Variants in CHN2 observed in about 807,000 individuals in gnomAD.
CHN2 encodes the protein beta-chimaerin.
CHN2 carries 35 observed loss-of-function variants against 56.3 expected under a neutral mutation model. The observed-to-expected ratio is 0.62, with a 90% CI of 0.47 to 0.82. The LOEUF is 0.82. CHN2 is among the 40% of genes least tolerant of loss of function. The pLI is 0.00. For synonymous variants in CHN2, 210 were observed against 212.8 expected (o/e 0.99, Z 0.12); for missense variants, 491 against 580.5 (o/e 0.85, Z 1.58).
chr7:29,485,089 CA>C (rs3214364), intron 7 of CHN2, among the ~76,000 whole-genome samples: 64,164 of 151,944 alleles, frequency 0.42, 15,291 homozygotes, highest in African/African-American at 0.66. Context: ...AAAGAGGCAC[CA>C]AAAAAACTTT....
At chr7:29,499,241 G>T (rs919571054) in intron 8 of CHN2, among the ~76,000 whole-genome samples, 1 of 152,056 alleles carries the variant, frequency 6.6e-6, no homozygotes, top group Non-Finnish European at 1.5e-5. Flanking sequence ...ACTCCTACTG[G>T]TGTATATAGT....
intron 1 of CHN2, chr7:29,212,776 G>C (rs909460577): frequency 3.2e-5 from 51 of 1,609,976 alleles, no homozygotes; most frequent in Non-Finnish European, 4.3e-5. Context: ...ACAACTGGCC[G>C]AAGAATAGCA....
intron 1 of CHN2, among the ~76,000 whole-genome samples, chr7:29,202,522 A>T (rs1194161311): frequency 6.6e-6 from 1 of 152,162 alleles, no homozygotes; most frequent in East Asian, 1.9e-4. Context: ...CTGTCAAGAA[A>T]GAGGTGAATG....
At chr7:29,376,213 A>G (rs1391206012) in intron 3 of CHN2, 2 of 152,240 alleles carry the variant, frequency 1.3e-5, no homozygotes, top group Non-Finnish European at 2.9e-5. Flanking sequence ...CAGTCTTTTA[A>G]TAGAAATGAC....
At chr7:29,190,540 C>T (rs1020095438), upstream of CHN2, among the ~76,000 whole-genome samples, 1 of 152,126 alleles carries the variant, frequency 6.6e-6, no homozygotes, top group Non-Finnish European at 1.5e-5. Flanking sequence ...ATTACACCAC[C>T]ATAAGAGCTA....
intron 3 of CHN2, among the ~76,000 whole-genome samples, chr7:29,375,834 A>G (rs1562558501): frequency 6.6e-6 from 1 of 152,188 alleles, no homozygotes; most frequent in Non-Finnish European, 1.5e-5. Context: ...GCCCCATATT[A>G]AGTCTGCTCT....
rs75654199 is a variant in CHN2 at position 29,265,155 on chromosome 7, A to G, written c.49+70165A>G. The stretch of plus-strand genomic sequence containing the variant: ...TCTGTGGTGTCTCTGGCTATTTCCC[A>G]GCACAGTCCACAACGCTGCCCCTAT... On this transcript the variant is annotated intron_variant, in intron 1 of 12. Coordinates refer to ENST00000222792, the MANE Select transcript of CHN2 (RefSeq NM_004067.4). Among the ~76,000 whole-genome samples the G allele has an allele frequency of 9.6e-3, 1,456 of 152,244 alleles. 22 individuals are homozygous for G. Among genetic ancestry groups the G allele is most frequent in the Middle Eastern group, 0.034 (10 of 294 alleles).
intron 3 of CHN2, among the ~76,000 whole-genome samples, chr7:29,388,276 C>A (rs894443267): frequency 1.2e-4 from 19 of 152,174 alleles, no homozygotes; most frequent in Middle Eastern, 3.4e-3. Context: ...CTCCACAGAA[C>A]AGTTAGGAAA....
chr7:29,246,221 G>A (rs189683293), intron 1 of CHN2, among the ~76,000 whole-genome samples: 4 of 152,256 alleles, frequency 2.6e-5, no homozygotes, highest in African/African-American at 7.2e-5. Context: ...ATGCTGCCTG[G>A]AGAGAATTAC....
chr7:29,180,481 C>T (rs1584599812), intron 2 of CHN2, among the ~76,000 whole-genome samples: 3 of 151,702 alleles, frequency 2.0e-5, no homozygotes, highest in Admixed American at 6.6e-5. Flanking sequence ...GAGCCGAGAT[C>T]GCGCCACTGC....
chr7:29,331,504 C>T (rs1201149273), intron 1 of CHN2, among the ~76,000 whole-genome samples: 7 of 152,086 alleles, frequency 4.6e-5, no homozygotes, highest in Admixed American at 1.3e-4. Flanking sequence ...GCATTTCTCC[C>T]GCCACCCCCT....
chr7:29,428,539 C>A (rs916707155), intron 6 of CHN2, among the ~76,000 whole-genome samples: 4 of 152,156 alleles, frequency 2.6e-5, no homozygotes, highest in Non-Finnish European at 4.4e-5. Flanking sequence ...CCTTTTCCAA[C>A]TGTGTCTCTG....
intron 2 of CHN2, among the ~76,000 whole-genome samples, chr7:29,357,096 G>C (rs2128024981): frequency 6.6e-6 from 1 of 152,302 alleles, no homozygotes; most frequent in Non-Finnish European, 1.5e-5. Flanking sequence ...TCTTGAGGAA[G>C]CTGGAAAATC....
intron 6 of CHN2, among the ~76,000 whole-genome samples, chr7:29,440,373 T>TTATCATCACTA (rs1229037080): frequency 2.6e-5 from 4 of 152,066 alleles, no homozygotes; most frequent in Admixed American, 2.0e-4. Context: ...TGCACAATGG[T>TTATCATCACTA]TATCATCACT....
intron 3 of CHN2, among the ~76,000 whole-genome samples, chr7:29,382,484 C>G (rs1800593889): frequency 6.6e-6 from 1 of 152,212 alleles, no homozygotes; most frequent in African/African-American, 2.4e-5. Context: ...ATGGATACCC[C>G]TTTTGAAATT....
intron 1 of CHN2, among the ~76,000 whole-genome samples, chr7:29,255,008 AC>A (rs2128823980): frequency 1.3e-5 from 2 of 152,228 alleles, no homozygotes; most frequent in South Asian, 4.2e-4. Flanking sequence ...GAGTGGTGAG[AC>A]CACTGGGAGG....
At chr7:29,493,899 A>G (rs1788937161) in intron 7 of CHN2, among the ~76,000 whole-genome samples, 1 of 152,216 alleles carries the variant, frequency 6.6e-6, no homozygotes, top group African/African-American at 2.4e-5. Context: ...AAGTCCTCCA[A>G]GAACTTCCTA....
At chr7:29,164,242 A>G (rs1216919836) in intron 2 of CHN2, among the ~76,000 whole-genome samples, 1 of 152,152 alleles carries the variant, frequency 6.6e-6, no homozygotes, top group Non-Finnish European at 1.5e-5. Flanking sequence ...CCTAATGACT[A>G]ATGATGTCCA....
At chr7:29,481,915 T>C (rs538230740) in intron 7 of CHN2, among the ~76,000 whole-genome samples, 1 of 152,330 alleles carries the variant, frequency 6.6e-6, no homozygotes, top group East Asian at 1.9e-4. Context: ...AGCTTGTCCA[T>C]GTATATTCTG....
Sources: gnomAD v4.1 joint callset for allele counts (sites outside exome capture counted in the v4.1 genomes callset) on GRCh38, gnomAD v4.1.1 for gene constraint, MANE v1.5 for transcripts, NCBI Gene and HGNC (gene_info 2026-07-23, HGNC 2026-07-21) for gene names.